PARP4: variants seen among roughly 807,000 people sequenced by gnomAD.
PARP4 encodes protein mono-ADP-ribosyltransferase PARP4.
A neutral mutation model predicts 187.7 loss-of-function variants in PARP4; 120 were observed. The observed-to-expected ratio is 0.64, with a 90% CI of 0.55 to 0.74. The LOEUF is 0.74. Ranked by LOEUF, PARP4 falls within the 30% of genes least tolerant of loss-of-function variation. PARP4 has a pLI of 0.00. For missense variants in PARP4, 1,836 were observed against 2,070.5 expected, an observed-to-expected ratio of 0.89 and a Z score of 2.20; for synonymous variants, 654 against 740.9, an observed-to-expected ratio of 0.88 and a Z score of 1.90.
intron 12 of PARP4, among the ~76,000 whole-genome samples, chr13:24,483,480 G>A (rs1336864469): frequency 3.5e-5 from 4 of 112,938 alleles, no homozygotes; most frequent in Non-Finnish European, 5.6e-5. Flanking sequence ...GCGACAGAGC[G>A]AGACTCCGTC....
intron 15 of PARP4, among the ~76,000 whole-genome samples, chr13:24,473,916 G>A (rs61948869): frequency 5.3e-4 from 80 of 152,168 alleles, no homozygotes; most frequent in Non-Finnish European, 9.9e-4. Context: ...ACGTCTCCAC[G>A]TTGGCCTCTG....
chr13:24,467,044 C>CTT (rs1347209109), intron 17 of PARP4, among the ~76,000 whole-genome samples: 1 of 152,094 alleles, frequency 6.6e-6, no homozygotes, highest in African/African-American at 2.4e-5. Context: ...CAAAATTCAA[C>CTT]AGTACGCTAT....
At chr13:24,453,802 G>C in intron 22 of PARP4, 148 bp from the exon 23 acceptor site, 2 of 596,766 alleles carry the variant, frequency 3.4e-6, no homozygotes, top group South Asian at 4.1e-5. Flanking sequence ...AAAACTGTTT[G>C]ATAATTTTAA....
intron 30 of PARP4, among the ~76,000 whole-genome samples, chr13:24,440,417 A>AT (rs1162985172): frequency 8.2e-5 from 4 of 48,996 alleles, no homozygotes; most frequent in Non-Finnish European, 4.3e-5. Context: ...AAAAATTAAA[A>AT]TTAAAAAAAA....
intron 24 of PARP4, among the ~76,000 whole-genome samples, chr13:24,451,756 G>C (rs1340422106): frequency 6.6e-6 from 1 of 152,158 alleles, no homozygotes; most frequent in Non-Finnish European, 1.5e-5. Flanking sequence ...CCCTCTGTTC[G>C]ATGTTTTCCT....
intron 13 of PARP4, 73 bp downstream of exon 13, chr13:24,478,020 A>T: frequency 1.6e-6 from 2 of 1,227,792 alleles, no homozygotes; most frequent in Non-Finnish European, 2.3e-6. Context: ...TTTAATGAAA[A>T]TAGGAGCAAA....
Position 24,454,785 on chromosome 13 carries a change from C to T in PARP4, c.2758+232G>A, listed in dbSNP as rs1361073976. Among the ~76,000 whole-genome samples the T allele has an allele frequency of 3.9e-5, 6 of 152,152 alleles. No individual in the cohort carries two copies. In the East Asian group the frequency reaches 5.8e-4, roughly 15 times the overall value. On this transcript the variant is annotated intron_variant, in intron 22 of 33. Coordinates refer to ENST00000381989, the MANE Select transcript of PARP4 (RefSeq NM_006437.4). Reference sequence around the variant, plus strand: ...TATCCTCAGATCGCAGATGAGGAAACGGAGGCACCAGAAGTTCAAGTAGTG... The same window carrying T: ...TATCCTCAGATCGCAGATGAGGAAATGGAGGCACCAGAAGTTCAAGTAGTG...
chr13:24,456,621 T>C (rs1871869360), intron 20 of PARP4, 143 bp from the exon 21 acceptor site: 2 of 679,144 alleles, frequency 2.9e-6, no homozygotes, highest in South Asian at 8.7e-5. Flanking sequence ...AATTCCAAAA[T>C]AATGAAATGT....
At chr13:24,505,195 G>A (rs1460763135) in intron 1 of PARP4, among the ~76,000 whole-genome samples, 2 of 152,078 alleles carry the variant, frequency 1.3e-5, no homozygotes, top group East Asian at 1.9e-4. Flanking sequence ...GCTAGAGAGC[G>A]CGAGCTTGAC....
Position 24,456,484 on chromosome 13 carries a change from A to G in PARP4, c.2425-6T>C, listed in dbSNP as rs546655205. ...ACAGCTTTGCAGTCTGTGCGCTGCA[A>G]AACAAACACCGCGACAACAAGGTGA... On this transcript the variant is annotated splice_polypyrimidine_tract_variant and splice_region_variant and intron_variant, in intron 20 of 33. Coordinates refer to ENST00000381989, the MANE Select transcript of PARP4 (RefSeq NM_006437.4). The G allele has an allele frequency of 1.9e-6, 3 of 1,584,120 alleles. No homozygotes were observed. Among genetic ancestry groups the G allele is most frequent in the East Asian group, 2.3e-5 (1 of 44,084 alleles).
chr13:24,448,209 C>CA (rs1871309976), intron 25 of PARP4, among the ~76,000 whole-genome samples: 3 of 151,752 alleles, frequency 2.0e-5, no homozygotes, highest in African/African-American at 7.3e-5. Context: ...TACTCTGTCT[C>CA]AAAAAACACC....
intron 2 of PARP4, among the ~76,000 whole-genome samples, chr13:24,502,125 A>G (rs920167300): frequency 6.6e-6 from 1 of 152,196 alleles, no homozygotes; most frequent in African/African-American, 2.4e-5. Context: ...TCATGTACAC[A>G]TCCTTGTGCA....
chr13:24,504,376 C>T (rs1251318166), intron 1 of PARP4, among the ~76,000 whole-genome samples: 5 of 125,182 alleles, frequency 4.0e-5, no homozygotes, highest in African/African-American at 1.2e-4. Context: ...TGCAGTGGTG[C>T]GATCTCAGCT....
intron 30 of PARP4, among the ~76,000 whole-genome samples, chr13:24,438,809 G>A (rs773247292): frequency 2.0e-5 from 3 of 152,128 alleles, no homozygotes; most frequent in African/African-American, 7.2e-5. Context: ...TCAGCGAGTC[G>A]GGAAGGACCA....
intron 15 of PARP4, among the ~76,000 whole-genome samples, chr13:24,472,059 T>A (rs1423904613): frequency 1.3e-5 from 2 of 152,230 alleles, no homozygotes; most frequent in African/African-American, 4.8e-5. Context: ...GTGTACTGGT[T>A]AAGAATCTGG....
chr13:24,484,297 G>A (rs555685776), intron 12 of PARP4, among the ~76,000 whole-genome samples: 2 of 152,230 alleles, frequency 1.3e-5, no homozygotes, highest in South Asian at 4.1e-4. Context: ...CTCCCCAGTA[G>A]CTAGAACTAT....
chr13:24,511,387 AG>A (rs1870012255), intron 1 of PARP4, among the ~76,000 whole-genome samples: 1 of 152,184 alleles, frequency 6.6e-6, no homozygotes, highest in South Asian at 2.1e-4. Context: ...ACACTGGGCT[AG>A]GGGCTGGTTA....
At chr13:24,488,115 G>C (rs375740620) in intron 10 of PARP4, among the ~76,000 whole-genome samples, 224 of 152,124 alleles carry the variant, frequency 1.5e-3, no homozygotes, top group African/African-American at 4.1e-3. Context: ...TTGTACTTAG[G>C]GGGTGGGGCG....
intron 24 of PARP4, among the ~76,000 whole-genome samples, chr13:24,451,742 G>T (rs1245008687): frequency 6.6e-6 from 1 of 152,186 alleles, no homozygotes; most frequent in African/African-American, 2.4e-5. Flanking sequence ...GACACCAAGT[G>T]GCCCCCTCTG....
Sources: gnomAD v4.1 joint callset for allele counts (sites outside exome capture counted in the v4.1 genomes callset) on GRCh38, gnomAD v4.1.1 for gene constraint, MANE v1.5 for transcripts, NCBI Gene and HGNC (gene_info 2026-07-23, HGNC 2026-07-21) for gene names.